Variants in SCRN1 observed in about 807,000 individuals in gnomAD.
The protein encoded by SCRN1 is secernin 1.
A neutral mutation model predicts 43.3 loss-of-function variants in SCRN1; 19 were observed. The observed-to-expected ratio is 0.44, with a 90% CI of 0.31 to 0.64. The LOEUF is 0.64. SCRN1 is among the 30% of genes least tolerant of loss of function. The probability of loss-of-function intolerance (pLI) is 0.09; values close to 1 mark genes in which losing one functional copy is unlikely to be tolerated. For synonymous variants in SCRN1, 183 were observed against 188.9 expected (o/e 0.97, Z 0.26); for missense variants, 447 against 524.1 (o/e 0.85, Z 1.44).
intron 6 of SCRN1, among the ~76,000 whole-genome samples, chr7:29,927,394 C>T (rs1011686064): frequency 2.2e-5 from 3 of 133,448 alleles, no homozygotes; most frequent in African/African-American, 8.6e-5. Context: ...ACAAGAGCCA[C>T]GCATATAAAC....
intron 6 of SCRN1, 122 bp downstream of exon 6, chr7:29,936,434 C>A: frequency 1.2e-6 from 1 of 843,862 alleles, no homozygotes; most frequent in Non-Finnish European, 1.8e-6. Context: ...CTGAAGCTGA[C>A]TGAAAAACGT....
upstream of SCRN1, chr7:29,989,832 A>G (rs1418784255): frequency 1.0e-6 from 1 of 985,600 alleles, no homozygotes; most frequent in Non-Finnish European, 1.2e-6. Flanking sequence ...CCCCCGCAGC[A>G]GCTGGCCCGA....
At chr7:29,926,326 A>G in intron 7 of SCRN1, 126 bp downstream of exon 7, 3 of 999,494 alleles carry the variant, frequency 3.0e-6, no homozygotes, top group Non-Finnish European at 4.3e-6. Flanking sequence ...GGTCTCTGGG[A>G]GAAGCCCGGT....
At chr7:29,981,021 C>G (rs889704798) in intron 1 of SCRN1, among the ~76,000 whole-genome samples, 1 of 151,154 alleles carries the variant, frequency 6.6e-6, no homozygotes, top group Non-Finnish European at 1.5e-5. Context: ...TTAAATTTTA[C>G]TTCATCTAGT....
In SCRN1 at chr7:29,968,969, A is replaced by C; in HGVS notation, c.99T>G (p.Asp33Glu). 4 of 1,614,150 alleles carry C rather than the reference A, an allele frequency of 2.5e-6. No homozygotes were observed. The highest frequency in any genetic ancestry group is 3.3e-5 in the Admixed American group (2 of 60,020). Residue 33 changes from aspartate to glutamate, a missense_variant, in exon 2 of 8, where the codon GAT becomes GAG. Transcript: ENST00000242059. ...VFGKNSARPR[D>E]EVQEVVYFSA... is the part of the protein sequence containing the mutation. The stretch of plus-strand genomic sequence containing the variant: ...AGAAATACACAACCTCTTGCACTTC[A>C]TCTCTGGGCCGGGCTGAATTTTTCC...
At chr7:29,986,715 TAA>T (rs1247808379) in intron 1 of SCRN1, among the ~76,000 whole-genome samples, 4 of 148,550 alleles carry the variant, frequency 2.7e-5, no homozygotes, top group African/African-American at 5.0e-5. Context: ...CTAATTTTTT[TAA>T]TTTTTTTTTT....
chr7:29,968,978 C>T lies in SCRN1; in HGVS notation c.90G>A (p.Arg30=). 1.9e-6 allele frequency: 3 copies of T among 1,614,086 alleles called. No individual in the cohort carries two copies. The highest frequency in any genetic ancestry group is 2.5e-6 in the Non-Finnish European group (3 of 1,180,012). Reference sequence around the variant, plus strand: ...CAACCTCTTGCACTTCATCTCTGGGCCGGGCTGAATTTTTCCCAAATACCA... The same window carrying T: ...CAACCTCTTGCACTTCATCTCTGGGTCGGGCTGAATTTTTCCCAAATACCA... ...GLVVFGKNSA[R]PRDEVQEVVY... is the part of the protein sequence containing the mutation. The change falls in exon 2 of 8, where the codon CGG becomes CGA. Residue 30 remains arginine, a synonymous_variant. Transcript: ENST00000242059.
intron 1 of SCRN1, among the ~76,000 whole-genome samples, chr7:29,981,089 A>G (rs1788979769): frequency 6.6e-6 from 1 of 151,900 alleles, no homozygotes; most frequent in Non-Finnish European, 1.5e-5. Context: ...TCTTTTAATT[A>G]TTTTCTAAAA....
At chr7:29,970,100 C>A (rs997238643) in intron 1 of SCRN1, among the ~76,000 whole-genome samples, 1 of 152,208 alleles carries the variant, frequency 6.6e-6, no homozygotes, top group Non-Finnish European at 1.5e-5. Flanking sequence ...TCACTCCCCA[C>A]TCCAAAACAT....
In SCRN1 at chr7:29,924,129, C is replaced by T. The variant is rs779811504; in HGVS notation, c.1087-14G>A. The stretch of plus-strand genomic sequence containing the variant: ...GCGACCTTGCTCCTGAGGAAGGACA[C>T]GACTGCTTTAGGTGTCAGCAAAATA... On this transcript the variant is annotated splice_polypyrimidine_tract_variant and intron_variant, in intron 7 of 7. Transcript: ENST00000242059. 5.6e-6 allele frequency: 9 copies of T among 1,605,920 alleles called. No individual in the cohort carries two copies. The highest frequency in any genetic ancestry group is 1.8e-4 in the Middle Eastern group (1 of 5,416).
In SCRN1 at chr7:29,940,729, T is replaced by A. The variant is rs770795123; in HGVS notation, c.692A>T (p.Asp231Val). 1 of 1,606,882 alleles carries A rather than the reference T, an allele frequency of 6.2e-7. No homozygotes were observed. The highest frequency in any genetic ancestry group is 2.3e-5 in the East Asian group (1 of 44,240). The stretch of plus-strand genomic sequence containing the variant: ...TTTGCCAGCACCGCAGTCTAGATGA[T>A]CCTCAACTGGAGAAAAGACTTCGGA... ...NFSEVFSPVE[D>V]HLDCGAGKDS... The change falls in exon 5 of 8, where the codon GAT becomes GTT. Residue 231 changes from aspartate (D) to valine (V), a missense_variant. Physicochemically the swap from Asp to Val is radical, Grantham distance 152 (BLOSUM62 -3). Coordinates refer to ENST00000242059, the MANE Select transcript of SCRN1 (RefSeq NM_014766.5).
chr7:29,951,710 A>C (rs563154687), intron 3 of SCRN1, among the ~76,000 whole-genome samples: 1 of 152,358 alleles, frequency 6.6e-6, no homozygotes, highest in East Asian at 1.9e-4. Context: ...TAGCTTTGAG[A>C]TAAATGTCAC....
intron 2 of SCRN1, among the ~76,000 whole-genome samples, chr7:29,964,557 T>C (rs1171052476): frequency 6.6e-6 from 1 of 152,160 alleles, no homozygotes; most frequent in Non-Finnish European, 1.5e-5. Context: ...AGTAAAAGTA[T>C]TCTCTATGAT....
intron 2 of SCRN1, among the ~76,000 whole-genome samples, chr7:29,968,070 C>A (rs1406956221): frequency 6.6e-6 from 1 of 152,028 alleles, no homozygotes; most frequent in Admixed American, 6.6e-5. Context: ...GAAATACTGA[C>A]AAAAATAGTA....
chr7:29,979,666 A>T (rs1027112306), intron 1 of SCRN1, among the ~76,000 whole-genome samples: 1 of 152,236 alleles, frequency 6.6e-6, no homozygotes, highest in Non-Finnish European at 1.5e-5. Context: ...CCCACTTTTT[A>T]AAAATGCAGT....
chr7:29,959,994 A>AAAGGAAGG (rs200431068), intron 2 of SCRN1, among the ~76,000 whole-genome samples: 48 of 120,468 alleles, frequency 4.0e-4, no homozygotes, highest in South Asian at 3.4e-4. Flanking sequence ...GAAAGGAAGG[A>AAAGGAAGG]AAGGAAGGAA....
intron 2 of SCRN1, among the ~76,000 whole-genome samples, chr7:29,963,252 GAC>G (rs1041104340): frequency 6.6e-6 from 1 of 152,038 alleles, no homozygotes; most frequent in African/African-American, 2.4e-5. Context: ...ACGAACCTAG[GAC>G]CCCTCTCTCC....
intron 7 of SCRN1, 98 bp downstream of exon 7, chr7:29,926,354 G>A: frequency 7.6e-7 from 1 of 1,307,700 alleles, no homozygotes; most frequent in Non-Finnish European, 1.1e-6. Flanking sequence ...GATGGGTGGG[G>A]GTAGGGTCTA....
intron 1 of SCRN1, chr7:29,969,795 G>A (rs1788611946): frequency 2.2e-6 from 1 of 455,952 alleles, no homozygotes; most frequent in African/African-American, 2.0e-5. Flanking sequence ...ATTCCAGCTG[G>A]GTTCTCACCT....
Sources: allele counts gnomAD v4.1 joint callset (sites outside exome capture counted in the v4.1 genomes callset), GRCh38; gene constraint gnomAD v4.1.1; transcripts MANE v1.5; gene names NCBI Gene and HGNC (gene_info 2026-07-23, HGNC 2026-07-21).